Variants in PSD3 observed in about 807,000 individuals in gnomAD.
The protein encoded by PSD3 is PH and SEC7 domain-containing protein 3.
A neutral mutation model predicts 105.5 loss-of-function variants in PSD3; 49 were observed. The observed-to-expected ratio is 0.46, with a 90% CI of 0.37 to 0.59. The LOEUF (loss-of-function observed/expected upper bound fraction) is 0.59. Among genes scored for constraint, PSD3 ranks in the 20% least tolerant of loss-of-function variants. The pLI is 0.00. For missense variants in PSD3, 1,561 were observed against 1,263.8 expected (o/e 1.24, Z -3.57); for synonymous variants, 557 against 457.8 (o/e 1.22, Z -2.77).
intron 2 of PSD3, among the ~76,000 whole-genome samples, chr8:18,910,379 T>C (rs1261093427): frequency 1.2e-4 from 15 of 124,330 alleles, no homozygotes; most frequent in Non-Finnish European, 2.2e-4. Flanking sequence ...CAGTAAACTA[T>C]CGCAAGAACA....
At chr8:18,655,759 G>C in intron 9 of PSD3, 74 bp from the exon 10 acceptor site, 3 of 1,422,388 alleles carry the variant, frequency 2.1e-6, no homozygotes, top group Non-Finnish European at 3.0e-6. Context: ...AAATGACCAA[G>C]TAATTCCTTC....
upstream of PSD3, among the ~76,000 whole-genome samples, chr8:19,016,486 G>C (rs1284944537): frequency 6.6e-6 from 1 of 152,142 alleles, no homozygotes; most frequent in African/African-American, 2.4e-5. Flanking sequence ...AGTACAACAT[G>C]AACGTTTATT....
chr8:18,825,253 A>C (rs1813082164), intron 4 of PSD3, among the ~76,000 whole-genome samples: 2 of 152,208 alleles, frequency 1.3e-5, no homozygotes, highest in Non-Finnish European at 2.9e-5. Context: ...AAACAAATTT[A>C]GAAAACTACT....
At chr8:19,006,651 A>G (rs1219195491) in intron 1 of PSD3, among the ~76,000 whole-genome samples, 1 of 152,074 alleles carries the variant, frequency 6.6e-6, no homozygotes, top group Non-Finnish European at 1.5e-5. Context: ...ATAAAGAGTA[A>G]GACCTTTTTC....
chr8:18,680,496 C>T (rs1378042714), intron 9 of PSD3, among the ~76,000 whole-genome samples: 3 of 152,128 alleles, frequency 2.0e-5, no homozygotes, highest in South Asian at 2.1e-4. Flanking sequence ...AACAGACACC[C>T]AATGAAGAGC....
chr8:18,818,121 T>C (rs1586115774), intron 4 of PSD3, among the ~76,000 whole-genome samples: 1 of 152,064 alleles, frequency 6.6e-6, no homozygotes, highest in East Asian at 1.9e-4. Flanking sequence ...GCTTGGCTAA[T>C]TTTTTTCATT....
chr8:18,656,246 C>A (rs1004911070), intron 9 of PSD3, among the ~76,000 whole-genome samples: 5 of 151,874 alleles, frequency 3.3e-5, no homozygotes, highest in African/African-American at 1.2e-4. Context: ...TTAGTAGAGA[C>A]GGGGTTTCAC....
chr8:18,942,676 C>T (rs922739532), intron 1 of PSD3, among the ~76,000 whole-genome samples: 2 of 152,120 alleles, frequency 1.3e-5, no homozygotes, highest in South Asian at 2.1e-4. Context: ...TGTGAAGACA[C>T]AGGGAGAAGG....
At chr8:18,618,240 C>T (rs1179546427) in intron 11 of PSD3, among the ~76,000 whole-genome samples, 1 of 141,036 alleles carries the variant, frequency 7.1e-6, no homozygotes, top group Non-Finnish European at 1.6e-5. Context: ...GTGTCCTGCC[C>T]TTCTGGGCTA....
chr8:18,574,296 C>T (rs1802342618), intron 13 of PSD3, among the ~76,000 whole-genome samples: 3 of 152,178 alleles, frequency 2.0e-5, no homozygotes, highest in African/African-American at 7.2e-5. Context: ...ATTATTATTT[C>T]AATGGACTGT....
chr8:19,053,955 CT>C (rs776911967), intron 1 of PSD3, among the ~76,000 whole-genome samples: 5 of 152,206 alleles, frequency 3.3e-5, no homozygotes, highest in Non-Finnish European at 7.3e-5. Context: ...ACTTGGTTGG[CT>C]TTCACCTTAG....
Position 18,844,317 on chromosome 8 carries a change from T to C in PSD3, c.1634+23357A>G, listed in dbSNP as rs1342171928. On this transcript the variant is annotated intron_variant, in intron 4 of 15. Coordinates refer to ENST00000327040, the MANE Select transcript of PSD3 (RefSeq NM_015310.4). ...GGTGAAATTTTTTACAAATTGATCT[T>C]TTCCCTGTTGTATTTCATTAATATA... Among the ~76,000 whole-genome samples, 10 of 152,296 alleles carry C rather than the reference T, an allele frequency of 6.6e-5. No individual in the cohort carries two copies. The South Asian group carries it at 1.2e-3, about 19-fold the overall frequency.
intron 1 of PSD3, among the ~76,000 whole-genome samples, chr8:19,027,454 T>C (rs1290263370): frequency 6.6e-6 from 1 of 152,166 alleles, no homozygotes; most frequent in Non-Finnish European, 1.5e-5. Context: ...GAAATATAAT[T>C]TCTATAGTGT....
At chr8:19,082,410 G>A (rs1043777353) in intron 1 of PSD3, among the ~76,000 whole-genome samples, 4 of 152,208 alleles carry the variant, frequency 2.6e-5, no homozygotes, top group African/African-American at 9.6e-5. Context: ...CCATTGCAAT[G>A]TGAAGCAGGG....
chr8:18,532,457 T>C lies in PSD3; in HGVS notation c.*3286A>G, dbSNP rs1046741246. 1.1e-4 allele frequency: 16 copies of C among 152,216 alleles called. No individual in the cohort carries two copies. Among genetic ancestry groups the C allele is most frequent in the African/African-American group, 3.6e-4 (15 of 41,458 alleles). 9.4% of individuals were successfully genotyped at this position (152,216 alleles called of 1,614,324 possible). A position where few individuals can be genotyped will look rare whatever the true frequency, so the allele number is the denominator to read the frequency against. On this transcript the variant is annotated 3_prime_UTR_variant, in exon 16 of 16. Coordinates refer to ENST00000327040, the MANE Select transcript of PSD3 (RefSeq NM_015310.4). ...AGTTGGAGACGCATAGAGGGTCTTGTGTTTGCCACAAGACCACTGCACCAA... is the reference window on the plus strand; with the variant it reads ...AGTTGGAGACGCATAGAGGGTCTTGCGTTTGCCACAAGACCACTGCACCAA...
chr8:18,758,414 C>G (rs1003191609), intron 9 of PSD3, among the ~76,000 whole-genome samples: 1 of 135,106 alleles, frequency 7.4e-6, no homozygotes, highest in Non-Finnish European at 1.6e-5. Flanking sequence ...CAGTTTTACT[C>G]TTTTTTTTTT....
chr8:18,824,313 C>T (rs1370179270), intron 4 of PSD3, among the ~76,000 whole-genome samples: 1 of 152,334 alleles, frequency 6.6e-6, no homozygotes, highest in Middle Eastern at 3.4e-3. Context: ...AAACATTCCA[C>T]TGCCCTTATA....
chr8:19,081,663 G>T (rs1829649930), intron 1 of PSD3, among the ~76,000 whole-genome samples: 1 of 152,218 alleles, frequency 6.6e-6, no homozygotes, highest in South Asian at 2.1e-4. Flanking sequence ...AACAAACTAA[G>T]AACCAACCAA....
intron 11 of PSD3, among the ~76,000 whole-genome samples, chr8:18,622,896 T>G (rs564572207): frequency 1.3e-5 from 2 of 152,230 alleles, no homozygotes; most frequent in African/African-American, 4.8e-5. Flanking sequence ...CAGGTTCAAG[T>G]TGCACAATAT....
Sources: gnomAD v4.1 joint callset for allele counts (sites outside exome capture counted in the v4.1 genomes callset) on GRCh38, gnomAD v4.1.1 for gene constraint, MANE v1.5 for transcripts, NCBI Gene and HGNC (gene_info 2026-07-23, HGNC 2026-07-21) for gene names.